The following XKRX variants were observed in gnomAD, a reference collection of about 807,000 sequenced individuals.
XKRX encodes XK related X-linked.
In XKRX, 11 loss-of-function variants were observed where a neutral mutation model predicts 22.4. The ratio of observed to expected loss-of-function variants is 0.49; its 90% CI spans 0.31 to 0.81. The LOEUF (loss-of-function observed/expected upper bound fraction) is 0.81. Ranked by LOEUF, XKRX falls within the 40% of genes least tolerant of loss-of-function variation. The pLI is 0.05. For synonymous variants in XKRX, 114 were observed against 132.2 expected (o/e 0.86, Z 0.94); for missense variants, 320 against 336.5 (o/e 0.95, Z 0.38).
At chrX:100,897,427 A>T in the XKRX span, among the ~76,000 whole-genome samples, 1 of 109,212 alleles carries the variant, frequency 9.2e-6, no homozygotes, top group Non-Finnish European at 1.9e-5. Flanking sequence ...CTACCAAAAA[A>T]TACAAAAATT....
the XKRX span, among the ~76,000 whole-genome samples, chrX:100,889,511 A>G: frequency 9.0e-6 from 1 of 110,554 alleles, no homozygotes; most frequent in Non-Finnish European, 1.9e-5. Context: ...AGCCATGATT[A>G]CAGATGTGAG....
the XKRX span, among the ~76,000 whole-genome samples, chrX:100,889,622 T>C: frequency 9.0e-6 from 1 of 110,980 alleles, no homozygotes; most frequent in African/African-American, 3.3e-5. Flanking sequence ...GTGATGCTTC[T>C]ATAAGCCAAG....
chrX:100,946,381 C>T, the XKRX span, among the ~76,000 whole-genome samples: 1 of 111,744 alleles, frequency 8.9e-6, no homozygotes, highest in Admixed American at 9.6e-5. Context: ...CACATTTAGT[C>T]ATATTTTGTT....
chrX:100,912,858 G>T (rs1453227943), downstream of XKRX, among the ~76,000 whole-genome samples: 1 of 111,657 alleles, frequency 9.0e-6, no homozygotes, highest in Non-Finnish European at 1.9e-5. Context: ...TCCACTGGGG[G>T]TATAGGAACG....
intron 1 of XKRX, among the ~76,000 whole-genome samples, chrX:100,927,112 C>A (rs927142213): frequency 2.7e-5 from 3 of 110,946 alleles, no homozygotes; most frequent in African/African-American, 9.9e-5. Context: ...CGGTGGCTCA[C>A]TTTGGGAGGC....
intron 2 of XKRX, among the ~76,000 whole-genome samples, chrX:100,917,127 AG>A: frequency 9.1e-6 from 1 of 109,685 alleles, no homozygotes; most frequent in East Asian, 2.9e-4. Context: ...TCAAAAAGAA[AG>A]AAAAAAAAAT....
chrX:100,931,521 G>A (rs188904818), upstream of XKRX, among the ~76,000 whole-genome samples: 17 of 110,989 alleles, frequency 1.5e-4, no homozygotes, highest in East Asian at 3.1e-3. Flanking sequence ...AGGGTCAGCC[G>A]AAGTGCTCCC....
At chrX:100,903,200 C>T in the XKRX span, among the ~76,000 whole-genome samples, 2 of 111,425 alleles carry the variant, frequency 1.8e-5, no homozygotes, top group African/African-American at 6.5e-5. Context: ...TTCATCTCAG[C>T]ACTGCATTCC....
chrX:100,896,332 C>A, the XKRX span, among the ~76,000 whole-genome samples: 1 of 110,968 alleles, frequency 9.0e-6, no homozygotes, highest in Admixed American at 9.7e-5. Context: ...TGAAAAAACC[C>A]AATATAACCA....
At chrX:100,908,811 C>T (rs1260366185), downstream of XKRX, among the ~76,000 whole-genome samples, 1 of 108,043 alleles carries the variant, frequency 9.3e-6, no homozygotes, top group Non-Finnish European at 1.9e-5. Flanking sequence ...CTGCCCCACC[C>T]CCACCCTGGA....
the XKRX span, among the ~76,000 whole-genome samples, chrX:100,889,226 C>G: frequency 2.5e-5 from 2 of 80,450 alleles, no homozygotes; most frequent in Non-Finnish European, 4.6e-5. Context: ...GGTGACAGAG[C>G]AAGACTCTAT....
At chrX:100,916,041 C>T (rs1249012666) in intron 2 of XKRX, among the ~76,000 whole-genome samples, 1 of 105,812 alleles carries the variant, frequency 9.5e-6, no homozygotes, top group African/African-American at 3.4e-5. Context: ...GTATTGTGTA[C>T]TTGAAATTTT....
At chrX:100,953,928 A>G in the XKRX span, among the ~76,000 whole-genome samples, 1 of 90,030 alleles carries the variant, frequency 1.1e-5, no homozygotes, top group Non-Finnish European at 2.3e-5. Flanking sequence ...AAAAAAAAAA[A>G]CCTCTTAAAA....
intron 2 of XKRX, among the ~76,000 whole-genome samples, chrX:100,917,718 G>GAAAGAAAGAAAGAAAGAAAGAAAGA (rs1556194341): frequency 3.5e-5 from 3 of 85,825 alleles, no homozygotes; most frequent in African/African-American, 1.1e-4. Context: ...AAGAAAGAAA[G>GAAAGAAAGAAAGAAAGAAAGAAAGA]AAAGAAATCC....
At chrX:100,951,270 G>A in the XKRX span, among the ~76,000 whole-genome samples, 6 of 104,768 alleles carry the variant, frequency 5.7e-5, no homozygotes, top group Non-Finnish European at 1.2e-4. Context: ...ACAGAGGGAG[G>A]GAGGGGGACA....
rs187892881 is a variant in XKRX, at chrX:100,924,174, G to T, written c.336-1113C>A. On this transcript the variant is annotated intron_variant, in intron 1 of 2. Coordinates refer to ENST00000372956, the MANE Select transcript of XKRX (RefSeq NM_212559.3). Reference sequence around the variant, plus strand: ...GCCAGATTCTGCTTTTTCAAGAAAGGGCTCACAACCATATCTCAGCCAAAA... The same window carrying T: ...GCCAGATTCTGCTTTTTCAAGAAAGTGCTCACAACCATATCTCAGCCAAAA... Among the ~76,000 whole-genome samples, 39 of 109,183 alleles carry T rather than the reference G, an allele frequency of 3.6e-4. 1 individual carries two copies. The East Asian group carries it at 0.01, about 28-fold the overall frequency. 94.8% of individuals were successfully genotyped at this position (109,183 alleles called of 115,157 possible).
chrX:100,957,985 G>A, the XKRX span, among the ~76,000 whole-genome samples: 5 of 111,406 alleles, frequency 4.5e-5, no homozygotes, highest in African/African-American at 9.8e-5. Flanking sequence ...CTGAGTCAGC[G>A]TGCTTGATTT....
chrX:100,899,376 G>T, the XKRX span, among the ~76,000 whole-genome samples: 1 of 112,291 alleles, frequency 8.9e-6, no homozygotes, highest in East Asian at 2.8e-4. Context: ...CTAGCTGGGT[G>T]TCATGGCACT....
In XKRX at chrX:100,914,621, C is replaced by T; in HGVS notation, c.1067G>A (p.Arg356Lys). 8.3e-7 allele frequency: 1 copy of T among 1,211,942 alleles called. No individual in the cohort carries two copies. Among genetic ancestry groups the T allele is most frequent in the Non-Finnish European group, 1.1e-6 (1 of 895,595 alleles). ...GACCATGATCACATTCTCTACCAACCTCACACTATAGTGCAGGCCCATATG... is the reference window on the plus strand; with the variant it reads ...GACCATGATCACATTCTCTACCAACTTCACACTATAGTGCAGGCCCATATG... ...WGHMGLHYSV[R>K]LVENVIMVLV... is the part of the protein sequence containing the mutation. The change falls in exon 3 of 3, where the codon AGG becomes AAG. Residue 356 changes from arginine to lysine, a missense_variant. Arg to Lys is a conservative substitution (Grantham distance 26). Transcript: ENST00000372956.
Sources: gnomAD v4.1 joint callset for allele counts (sites outside exome capture counted in the v4.1 genomes callset) on GRCh38, gnomAD v4.1.1 for gene constraint, MANE v1.5 for transcripts, NCBI Gene and HGNC (gene_info 2026-07-23, HGNC 2026-07-21) for gene names.